The following DDR2 variants were observed in gnomAD, a reference collection of about 807,000 sequenced individuals.
The protein encoded by DDR2 is discoidin domain-containing receptor 2.
Under a neutral mutation model 94.9 loss-of-function variants are expected in DDR2, and 27 were observed. The ratio of observed to expected loss-of-function variants is 0.28; its 90% CI spans 0.21 to 0.39. The LOEUF is 0.39. Ranked by LOEUF, DDR2 falls within the 10% of genes least tolerant of loss-of-function variation. The pLI is 1.00. For missense variants in DDR2, 783 were observed against 1,076.0 expected (o/e 0.73, Z 3.81); for synonymous variants, 382 against 377.2 (o/e 1.01, Z -0.15).
chr1:162,709,660 C>G (rs1660809774), intron 2 of DDR2, among the ~76,000 whole-genome samples: 1 of 152,180 alleles, frequency 6.6e-6, no homozygotes, highest in South Asian at 2.1e-4. Context: ...TGACCTTCTG[C>G]TCACCAGCAC....
At chr1:162,641,360 C>T (rs1478739092) in intron 1 of DDR2, among the ~76,000 whole-genome samples, 1 of 152,188 alleles carries the variant, frequency 6.6e-6, no homozygotes, top group East Asian at 1.9e-4. Flanking sequence ...CCCATACTCT[C>T]TGAATATGCT....
chr1:162,701,080 A>AG (rs5778285), intron 2 of DDR2, among the ~76,000 whole-genome samples: 4,832 of 152,004 alleles, frequency 0.032, 133 homozygotes, highest in East Asian at 0.15. Flanking sequence ...ACTGAAAAAA[A>AG]AAAAAAGCAG....
At chr1:162,755,793 G>C (rs766826948) in intron 7 of DDR2, 24 bp downstream of exon 7, 1 of 1,595,792 alleles carries the variant, frequency 6.3e-7, no homozygotes. Flanking sequence ...AACTTTATTA[G>C]AATGGGAAAT....
At chr1:162,755,556 G>A in intron 6 of DDR2, 108 bp from the exon 7 acceptor site, 1 of 1,156,354 alleles carries the variant, frequency 8.6e-7, no homozygotes, top group Admixed American at 1.7e-5. Context: ...TGTCCAGATG[G>A]AGTCCTGCTG....
intron 3 of DDR2, among the ~76,000 whole-genome samples, chr1:162,721,328 G>T (rs941575127): frequency 1.3e-5 from 2 of 152,128 alleles, no homozygotes; most frequent in Non-Finnish European, 2.9e-5. Flanking sequence ...TCTATTTCTG[G>T]TGTCAGGTAT....
chr1:162,727,320 ATAT>A (rs927779949), intron 3 of DDR2, among the ~76,000 whole-genome samples: 15 of 141,520 alleles, frequency 1.1e-4, no homozygotes, highest in African/African-American at 3.6e-4. Flanking sequence ...AACATAATAA[ATAT>A]TATAATAAAT....
At chr1:162,661,423 A>T (rs1658289693) in intron 2 of DDR2, among the ~76,000 whole-genome samples, 1 of 152,238 alleles carries the variant, frequency 6.6e-6, no homozygotes, top group Non-Finnish European at 1.5e-5. Flanking sequence ...ACTCTGGCCT[A>T]TTCACTGGGC....
intron 2 of DDR2, among the ~76,000 whole-genome samples, chr1:162,710,764 G>GCGCACACACACACACACA (rs1553246726): frequency 2.0e-5 from 3 of 148,052 alleles, no homozygotes; most frequent in African/African-American, 7.5e-5. Flanking sequence ...ACACAGTCAT[G>GCGCACACACACACACACA]CACACACACA....
chr1:162,772,012 T>G lies in DDR2; in HGVS notation c.1505-12T>G, dbSNP rs557151718. 6.3e-7 allele frequency: 1 copy of G among 1,593,192 alleles called. No homozygotes were observed. Among genetic ancestry groups the G allele is most frequent in the Non-Finnish European group, 8.5e-7 (1 of 1,169,998 alleles). On this transcript the variant is annotated splice_polypyrimidine_tract_variant and intron_variant, in intron 12 of 17. Transcript: ENST00000367921. ...TCCACGGAATGAGGGCTCGTTGCCC[T>G]TGTCTTCCCAGGCTGCAGCGGTGTT...
intron 1 of DDR2, among the ~76,000 whole-genome samples, chr1:162,649,505 G>A (rs776762227): frequency 2.0e-5 from 3 of 152,150 alleles, no homozygotes; most frequent in Non-Finnish European, 4.4e-5. Flanking sequence ...TTCCCCAGGG[G>A]TTATGTTCAT....
intron 3 of DDR2, among the ~76,000 whole-genome samples, chr1:162,735,744 C>T (rs1278841729): frequency 1.3e-5 from 2 of 152,208 alleles, no homozygotes; most frequent in Non-Finnish European, 2.9e-5. Context: ...TAAAGGGTTT[C>T]TATGCCTAGG....
At chr1:162,666,586 G>C (rs921892281) in intron 2 of DDR2, among the ~76,000 whole-genome samples, 2 of 152,146 alleles carry the variant, frequency 1.3e-5, no homozygotes, top group Non-Finnish European at 1.5e-5. Context: ...TGGGGGAAAG[G>C]GGGAGGGTTA....
intron 3 of DDR2, among the ~76,000 whole-genome samples, chr1:162,729,300 A>ATATATATATATATATATATAT (rs1416872679): frequency 3.2e-5 from 3 of 94,002 alleles, no homozygotes; most frequent in African/African-American, 1.6e-4. Flanking sequence ...ATATATATAT[A>ATATATATATATATATATATAT]TTTTTTTTTT....
At position 162,786,245 on chromosome 1, in the gene DDR2, A is replaced by G. The variant is rs1314616798; in HGVS notation, c.*5999A>G. The G allele has an allele frequency of 6.6e-6, 1 of 152,220 alleles. No individual in the cohort carries two copies. The highest frequency in any genetic ancestry group is 6.5e-5 in the Admixed American group (1 of 15,276). 9.4% of individuals were successfully genotyped at this position (152,220 alleles called of 1,614,324 possible). A position where few individuals can be genotyped will look rare whatever the true frequency, so the allele number is the denominator to read the frequency against. ...TTATATGTCCTTTATTATTCATGAT[A>G]TCCTATTCTTCTACCTTGTTGCCTG... On this transcript the variant is annotated 3_prime_UTR_variant, in exon 18 of 18. Coordinates refer to ENST00000367921, the MANE Select transcript of DDR2 (RefSeq NM_006182.4).
chr1:162,757,226 A>C (rs762048459), intron 7 of DDR2, among the ~76,000 whole-genome samples: 2 of 152,206 alleles, frequency 1.3e-5, no homozygotes, highest in Non-Finnish European at 2.9e-5. Context: ...AGCATTTCGT[A>C]AGATAAATTG....
chr1:162,697,430 C>A lies in DDR2; in HGVS notation c.-27-21607C>A, dbSNP rs1028282152. ...GTGTCCCAACAAATGTCGGGTTAGA[C>A]CTACTTTGAGAAACACATTCCAATA... On this transcript the variant is annotated intron_variant, in intron 2 of 17. Coordinates refer to ENST00000367921, the MANE Select transcript of DDR2 (RefSeq NM_006182.4). Among the ~76,000 whole-genome samples, 4 of 152,158 alleles carry A rather than the reference C, an allele frequency of 2.6e-5. No individual in the cohort carries two copies. The East Asian group carries it at 5.8e-4, about 22-fold the overall frequency.
At position 162,784,910 on chromosome 1, in the gene DDR2, A is replaced by G. The variant is rs551852258; in HGVS notation, c.*4664A>G. On this transcript the variant is annotated 3_prime_UTR_variant, in exon 18 of 18. Coordinates refer to ENST00000367921, the MANE Select transcript of DDR2 (RefSeq NM_006182.4). The stretch of plus-strand genomic sequence containing the variant: ...CAATTTCGCCAGTTTTTCCACACAT[A>G]TTCATTTAGTTGCTGGATACTTTTA... 4.6e-5 allele frequency: 7 copies of G among 152,268 alleles called. No individual in the cohort carries two copies. Among genetic ancestry groups the G allele is most frequent in the Admixed American group, 2.0e-4 (3 of 15,298 alleles). 9.4% of individuals were successfully genotyped at this position (152,268 alleles called of 1,614,324 possible).
At chr1:162,646,171 A>G (rs1425584492) in intron 1 of DDR2, among the ~76,000 whole-genome samples, 4 of 152,238 alleles carry the variant, frequency 2.6e-5, no homozygotes, top group Non-Finnish European at 1.5e-5. Flanking sequence ...AAATTGCATG[A>G]TGGTTACTGC....
chr1:162,770,708 A>G lies in DDR2; in HGVS notation c.1504+196A>G, dbSNP rs1427854486. 9 of 721,096 alleles carry G rather than the reference A, an allele frequency of 1.2e-5. No individual in the cohort carries two copies. The East Asian group carries it at 1.6e-4, about 13-fold the overall frequency. The allele number at this position is 721,096 out of a possible 1,614,324, so 44.7% of individuals were successfully genotyped here. On this transcript the variant is annotated intron_variant, in intron 12 of 17. Coordinates refer to ENST00000367921, the MANE Select transcript of DDR2 (RefSeq NM_006182.4). ...GAGCAACTCTCCTTTGCTACTGAAT[A>G]TAAGATGTGTGGAGGGACCCACATA...
Sources: allele counts gnomAD v4.1 joint callset (sites outside exome capture counted in the v4.1 genomes callset), GRCh38; gene constraint gnomAD v4.1.1; transcripts MANE v1.5; gene names NCBI Gene and HGNC (gene_info 2026-07-23, HGNC 2026-07-21).